DGKD: variants seen among roughly 807,000 people sequenced by gnomAD.
DGKD encodes diacylglycerol kinase delta.
A neutral mutation model predicts 154.4 loss-of-function variants in DGKD; 68 were observed. That is an observed-to-expected ratio of 0.44 (90% CI 0.36 to 0.54). The LOEUF (loss-of-function observed/expected upper bound fraction) is 0.54. Among genes scored for constraint, DGKD ranks in the 20% least tolerant of loss-of-function variants. The pLI, the probability that DGKD is intolerant of heterozygous loss-of-function variation, is 0.00. For synonymous variants in DGKD, 693 were observed against 638.0 expected (o/e 1.09, Z -1.30); for missense variants, 1,343 against 1,593.6 (o/e 0.84, Z 2.68).
intron 1 of DGKD, among the ~76,000 whole-genome samples, chr2:233,356,795 G>A (rs905048533): frequency 2.6e-5 from 4 of 151,962 alleles, no homozygotes; most frequent in East Asian, 1.9e-4. Flanking sequence ...GTGGGAATGC[G>A]AGGTTGACTG....
At position 233,457,612 on chromosome 2, in the gene DGKD, C is replaced by T; in HGVS notation, c.2580+284C>T. 1 of 557,410 alleles carries T rather than the reference C, an allele frequency of 1.8e-6. No homozygotes were observed. The highest frequency in any genetic ancestry group is 1.9e-5 in the African/African-American group (1 of 53,646). 34.5% of individuals were successfully genotyped at this position (557,410 alleles called of 1,614,324 possible). ...GGGTCAGGGAAGGTGTCTGGGAGGC[C>T]AAGACCTGAAGGATGAGTTGGAGTT... On this transcript the variant is annotated intron_variant, in intron 21 of 29. Coordinates refer to ENST00000264057, the MANE Select transcript of DGKD (RefSeq NM_152879.3). This position sits in a 1 kb window ranked among gnomAD's most constrained non-coding sequence, Gnocchi z 5.5.
In DGKD at chr2:233,460,269, C is replaced by T. The variant is rs1318324118; in HGVS notation, c.2905C>T (p.His969Tyr). The T allele has an allele frequency of 6.2e-7, 1 of 1,613,906 alleles. No individual in the cohort carries two copies. The highest frequency in any genetic ancestry group is 8.5e-7 in the Non-Finnish European group (1 of 1,180,008). ...GCCCCGCCCTCCATCCTGTTCCCTG[C>T]ACCCGGAGATGCTGTCCGAGGAGGA... ...ELPRPPSCSL[H>Y]PEMLSEEEAT... The change falls in exon 24 of 30, where the codon CAC becomes TAC. Residue 969 changes from histidine to tyrosine, a missense_variant. Around this residue, in one of 6 missense-constraint regions of DGKD, gnomAD observed 429 missense variants for 496.3 expected, o/e 0.86. Coordinates refer to ENST00000264057, the MANE Select transcript of DGKD (RefSeq NM_152879.3).
At chr2:233,427,054 G>A (rs935216133) in intron 3 of DGKD, among the ~76,000 whole-genome samples, 1 of 152,320 alleles carries the variant, frequency 6.6e-6, no homozygotes, top group East Asian at 1.9e-4. Context: ...TCCAGCAGGT[G>A]TGTAAAAATT....
rs1166101423 is a variant in DGKD, at chr2:233,354,578, G to C, written c.60G>C (p.Pro20=). 3 of 1,086,396 alleles carry C rather than the reference G, an allele frequency of 2.8e-6. No homozygotes were observed. In the African/African-American group the frequency reaches 5.1e-5, roughly 19 times the overall value. 67.3% of individuals were successfully genotyped at this position (1,086,396 alleles called of 1,614,324 possible). A position where few individuals can be genotyped will look rare whatever the true frequency, so the allele number is the denominator to read the frequency against. The change falls in exon 1 of 30, where the codon CCG becomes CCC. Residue 20 remains proline (P), a synonymous_variant. Transcript: ENST00000264057. This position sits in a 1 kb window ranked among gnomAD's most constrained non-coding sequence, Gnocchi z 4.8. ...PGPPQPPPPP[P]PEESSDSEPE... ...CCCCGCAACCGCCTCCGCCGCCGCC[G>C]CCCGAGGAGTCGTCCGACAGCGAGC...
chr2:233,442,677 C>T (rs749672322), intron 10 of DGKD: 42 of 159,518 alleles, frequency 2.6e-4, no homozygotes, highest in Non-Finnish European at 4.5e-4. Flanking sequence ...GCGATCTCGG[C>T]TCACTACAAC....
chr2:233,450,934 C>T lies in DGKD; in HGVS notation c.2051C>T (p.Pro684Leu), dbSNP rs199554635. ...GRSQRKVSKS[P>L]CEKLISKGSL... ...TGTGTTGTTACAGTGTCGAAATCTCCGTGTGAAAAGCTGATCAGCAAAGGG... is the reference window on the plus strand; with the variant it reads ...TGTGTTGTTACAGTGTCGAAATCTCTGTGTGAAAAGCTGATCAGCAAAGGG... Residue 684 changes from proline (P) to leucine (L), a missense_variant, in exon 17 of 30, where the codon CCG becomes CTG. By Grantham distance (98) the Pro-to-Leu change is moderately conservative (BLOSUM62 -3). This residue lies in a region of DGKD where 409 missense variants were observed against 446.0 expected (regional missense o/e 0.92). Coordinates refer to ENST00000264057, the MANE Select transcript of DGKD (RefSeq NM_152879.3). The T allele has an allele frequency of 7.5e-6, 12 of 1,602,056 alleles. No homozygotes were observed. Among genetic ancestry groups the T allele is most frequent in the African/African-American group, 2.7e-5 (2 of 74,858 alleles).
chr2:233,457,549 G>A lies in DGKD; in HGVS notation c.2580+221G>A. On this transcript the variant is annotated intron_variant, in intron 21 of 29. Coordinates refer to ENST00000264057, the MANE Select transcript of DGKD (RefSeq NM_152879.3). This position sits in a 1 kb window ranked among gnomAD's most constrained non-coding sequence, Gnocchi z 5.5. ...GTGAAGGTGGTCAGTGAGGGTCTGT[G>A]GTCAGCAGATGTGGTCAGCGGGTGT... 1 of 656,670 alleles carries A rather than the reference G, an allele frequency of 1.5e-6. No homozygotes were observed. Among genetic ancestry groups the A allele is most frequent in the Non-Finnish European group, 2.8e-6 (1 of 354,954 alleles). The allele number at this position is 656,670 out of a possible 1,614,324, so 40.7% of individuals were successfully genotyped here.
In DGKD at chr2:233,441,935, C is replaced by G; in HGVS notation, c.1134C>G (p.Gly378=). 12 of 1,606,356 alleles carry G rather than the reference C, an allele frequency of 7.5e-6. No homozygotes were observed. Among genetic ancestry groups the G allele is most frequent in the Non-Finnish European group, 1.0e-5 (12 of 1,175,866 alleles). Residue 378 remains glycine, a synonymous_variant, in exon 10 of 30, where the codon GGC becomes GGG. Transcript: ENST00000264057. This position sits in a 1 kb window ranked among gnomAD's most constrained non-coding sequence, Gnocchi z 5.6. ...ACACATTCCGGATTCTGGTTTGTGG[C>G]GGGGATGGAAGTGTTGGCTGGGTCC... ...KFDTFRILVC[G]GDGSVGWVLS...
rs183376579 is a variant in DGKD at position 233,442,083 on chromosome 2, G to A, written c.1194+88G>A. On this transcript the variant is annotated intron_variant, in intron 10 of 29. Coordinates refer to ENST00000264057, the MANE Select transcript of DGKD (RefSeq NM_152879.3). ...TGCAGTCTCAGCTCCTGTTCATCTCGGAGCACCTGTTCTCAGGCCAGAAAC... is the reference window on the plus strand; with the variant it reads ...TGCAGTCTCAGCTCCTGTTCATCTCAGAGCACCTGTTCTCAGGCCAGAAAC... 36 of 1,176,166 alleles carry A rather than the reference G, an allele frequency of 3.1e-5. No individual in the cohort carries two copies. In the East Asian group the frequency reaches 6.7e-4, roughly 22 times the overall value. The allele number at this position is 1,176,166 out of a possible 1,614,324, so 72.9% of individuals were successfully genotyped here.
At chr2:233,420,876 A>T (rs2062091737) in intron 3 of DGKD, among the ~76,000 whole-genome samples, 1 of 152,260 alleles carries the variant, frequency 6.6e-6, no homozygotes, top group African/African-American at 2.4e-5. Flanking sequence ...CCCTGTGATC[A>T]GTAGTGCTGC....
intron 1 of DGKD, among the ~76,000 whole-genome samples, chr2:233,369,029 C>T (rs922812494): frequency 1.6e-4 from 25 of 152,318 alleles, no homozygotes; most frequent in African/African-American, 5.5e-4. Flanking sequence ...TCTTTGTTTT[C>T]CTTTTTTGGA....
At chr2:233,451,122 T>C (rs2063274736) in intron 17 of DGKD, 72 bp downstream of exon 17, 1 of 1,464,928 alleles carries the variant, frequency 6.8e-7, no homozygotes, top group African/African-American at 1.4e-5. Context: ...CTGAAAGAGA[T>C]GGGCTCGCTG....
At chr2:233,394,921 G>A (rs1004298675) in intron 3 of DGKD, among the ~76,000 whole-genome samples, 1 of 151,594 alleles carries the variant, frequency 6.6e-6, no homozygotes. Flanking sequence ...GCCTTGGCTG[G>A]TCTCTAACTT....
intron 3 of DGKD, among the ~76,000 whole-genome samples, chr2:233,418,026 G>T (rs1418904991): frequency 6.6e-6 from 1 of 152,172 alleles, no homozygotes; most frequent in Non-Finnish European, 1.5e-5. Flanking sequence ...CTTTTTCTGT[G>T]AATATTATTA....
chr2:233,403,342 C>G (rs1307374272), intron 3 of DGKD, among the ~76,000 whole-genome samples: 2 of 151,988 alleles, frequency 1.3e-5, no homozygotes, highest in African/African-American at 4.8e-5. Flanking sequence ...GGCGGATCAC[C>G]TGAGGTCAGG....
At chr2:233,375,046 T>G (rs1409397197) in intron 1 of DGKD, among the ~76,000 whole-genome samples, 1 of 152,122 alleles carries the variant, frequency 6.6e-6, no homozygotes, top group African/African-American at 2.4e-5. Context: ...TCCCAGCACT[T>G]TGGGCGCCCA....
intron 3 of DGKD, among the ~76,000 whole-genome samples, chr2:233,430,216 T>G (rs1190807009): frequency 2.0e-5 from 3 of 152,218 alleles, no homozygotes; most frequent in Non-Finnish European, 2.9e-5. Context: ...GTCAGGGCAA[T>G]TCTACTTCTA....
At chr2:233,405,762 G>A (rs1160435039) in intron 3 of DGKD, among the ~76,000 whole-genome samples, 1 of 152,196 alleles carries the variant, frequency 6.6e-6, no homozygotes, top group Non-Finnish European at 1.5e-5. Flanking sequence ...TATCTAGTCT[G>A]TGGTATTCTG....
chr2:233,447,883 T>A (rs1023179727), intron 12 of DGKD: 12 of 1,404,138 alleles, frequency 8.5e-6, no homozygotes, highest in Non-Finnish European at 1.1e-5. Context: ...ACGAAGCTTT[T>A]AAAATCTCTC....
Sources: gnomAD v4.1 joint callset for allele counts (sites outside exome capture counted in the v4.1 genomes callset) on GRCh38, gnomAD v4.1.1 for gene constraint, gnomAD v4.1.1 regional missense constraint, Gnocchi (gnomAD v3.1) non-coding constraint, MANE v1.5 for transcripts, NCBI Gene and HGNC (gene_info 2026-07-23, HGNC 2026-07-21) for gene names.